TRIP4: variants seen among roughly 807,000 people sequenced by gnomAD.
TRIP4 encodes activating signal cointegrator 1.
In TRIP4, 54 loss-of-function variants were observed where a neutral mutation model predicts 81.8. That is an observed-to-expected ratio of 0.66 (90% CI 0.53 to 0.83). The LOEUF (loss-of-function observed/expected upper bound fraction) is 0.83. Among genes scored for constraint, TRIP4 ranks in the 40% least tolerant of loss-of-function variants. The pLI is 0.00. For missense variants in TRIP4, 662 were observed against 683.6 expected, an observed-to-expected ratio of 0.97 and a Z score of 0.35; for synonymous variants, 270 against 242.8, an observed-to-expected ratio of 1.11 and a Z score of -1.04.
In TRIP4 at chr15:64,396,337, C is replaced by T. The variant is rs150446820; in HGVS notation, c.405+806C>T. On this transcript the variant is annotated intron_variant, in intron 3 of 12. Coordinates refer to ENST00000261884, the MANE Select transcript of TRIP4 (RefSeq NM_016213.5). Reference sequence around the variant, plus strand: ...TGTCACCCAGGCTGGAGTGCAGTGGCGCAATCTTGGCCCACTGCAACCTCT... The same window carrying T: ...TGTCACCCAGGCTGGAGTGCAGTGGTGCAATCTTGGCCCACTGCAACCTCT... Among the ~76,000 whole-genome samples the T allele has an allele frequency of 8.1e-3, 923 of 114,120 alleles. 14 individuals are homozygous for T. The highest frequency in any genetic ancestry group is 0.031 in the African/African-American group (881 of 28,832). 74.9% of individuals were successfully genotyped at this position (114,120 alleles called of 152,430 possible).
intron 5 of TRIP4, among the ~76,000 whole-genome samples, chr15:64,403,508 T>TA (rs1891559679): frequency 6.6e-6 from 1 of 152,200 alleles, no homozygotes; most frequent in Non-Finnish European, 1.5e-5. Flanking sequence ...ACTCACTACT[T>TA]ACGCAAATAT....
intron 12 of TRIP4, among the ~76,000 whole-genome samples, chr15:64,451,786 T>G (rs1892769124): frequency 6.6e-6 from 1 of 151,350 alleles, no homozygotes; most frequent in African/African-American, 2.4e-5. Context: ...CTTGAGTAGC[T>G]GGGATTACAG....
At chr15:64,423,448 C>A (rs536382389) in intron 9 of TRIP4, among the ~76,000 whole-genome samples, 1 of 103,730 alleles carries the variant, frequency 9.6e-6, no homozygotes, top group Non-Finnish European at 1.7e-5. Flanking sequence ...GGCAACAGAG[C>A]GAGACTCCGT....
intron 5 of TRIP4, 136 bp from the exon 6 acceptor site, chr15:64,406,194 T>C: frequency 9.7e-7 from 1 of 1,034,760 alleles, no homozygotes; most frequent in African/African-American, 1.6e-5. Flanking sequence ...ACTGTGTACT[T>C]GTTTTCTGTT....
rs1892594766 is a variant in TRIP4, at chr15:64,445,057, A to C, written c.1627A>C (p.Asn543His). The change falls in exon 12 of 13, where the codon AAT becomes CAT. Residue 543 changes from asparagine (N) to histidine (H), a missense_variant. Physicochemically the swap from Asn to His is moderately conservative, Grantham distance 68. Transcript: ENST00000261884. Reference protein sequence around the residue: ...SDSPFVFICKNPQEMVVKFPI... With the variant: ...SDSPFVFICKHPQEMVVKFPI... ...TTCTCCATTTGTTTTCATCTGCAAA[A>C]ATCCTCAGGAAATGGTTGTGAAGTT... 1 of 1,606,246 alleles carries C rather than the reference A, an allele frequency of 6.2e-7. No individual in the cohort carries two copies. The highest frequency in any genetic ancestry group is 1.3e-5 in the African/African-American group (1 of 74,586).
intron 11 of TRIP4, among the ~76,000 whole-genome samples, chr15:64,427,422 G>A (rs749361442): frequency 1.3e-4 from 19 of 151,584 alleles, no homozygotes; most frequent in Non-Finnish European, 2.2e-4. Context: ...TCACTCTGTC[G>A]TCCAGGCTGG....
intron 11 of TRIP4, 200 bp from the exon 12 acceptor site, chr15:64,444,806 G>A (rs111975080): frequency 4.4e-5 from 12 of 273,544 alleles, no homozygotes; most frequent in African/African-American, 2.8e-4. Context: ...GAGATGGCAG[G>A]CAATAGACTG....
chr15:64,435,213 C>CAAAA (rs35216763), intron 11 of TRIP4, among the ~76,000 whole-genome samples: 25 of 50,308 alleles, frequency 5.0e-4, no homozygotes, highest in South Asian at 1.3e-3. Context: ...GACCCCATCT[C>CAAAA]AAAAAAAAAA....
In TRIP4 at chr15:64,409,968, A is replaced by C; in HGVS notation, c.1043+140A>C. 4.0e-6 allele frequency: 3 copies of C among 744,674 alleles called. No homozygotes were observed. In the South Asian group the frequency reaches 5.9e-5, roughly 15 times the overall value. The allele number at this position is 744,674 out of a possible 1,614,324, so 46.1% of individuals were successfully genotyped here. On this transcript the variant is annotated intron_variant, in intron 7 of 12. Transcript: ENST00000261884. ...ACAGAAAACATGTTAAGAATAGCTA[A>C]GAAAAAATGTTTAAATGAGCACTCC...
chr15:64,437,356 G>T (rs1892424567), intron 11 of TRIP4, among the ~76,000 whole-genome samples: 1 of 151,480 alleles, frequency 6.6e-6, no homozygotes, highest in African/African-American at 2.4e-5. Context: ...AGGCAGAGTT[G>T]CAGTGAGCTG....
At chr15:64,418,839 T>C in intron 9 of TRIP4, 111 bp downstream of exon 9, 1 of 991,900 alleles carries the variant, frequency 1.0e-6, no homozygotes, top group Non-Finnish European at 1.4e-6. Flanking sequence ...TTTATAATAC[T>C]CTTCAATAAA....
intron 11 of TRIP4, among the ~76,000 whole-genome samples, chr15:64,442,129 A>C (rs1413332964): frequency 6.6e-6 from 1 of 152,014 alleles, no homozygotes; most frequent in African/African-American, 2.4e-5. Flanking sequence ...GCAAGGACTT[A>C]GACTTTTATT....
At chr15:64,415,447 C>T (rs1020054057) in intron 8 of TRIP4, among the ~76,000 whole-genome samples, 1 of 152,068 alleles carries the variant, frequency 6.6e-6, no homozygotes, top group Non-Finnish European at 1.5e-5. Context: ...GCTAAAAGCC[C>T]GAAATCAAGG....
At chr15:64,401,596 A>G (rs1034586319) in intron 5 of TRIP4, among the ~76,000 whole-genome samples, 3 of 152,160 alleles carry the variant, frequency 2.0e-5, no homozygotes, top group African/African-American at 7.2e-5. Flanking sequence ...ATAAGCATCT[A>G]TTTTTTAGAA....
intron 12 of TRIP4, among the ~76,000 whole-genome samples, chr15:64,449,899 C>T (rs1892715756): frequency 6.6e-6 from 1 of 152,052 alleles, no homozygotes; most frequent in African/African-American, 2.4e-5. Context: ...ATATTTTTTC[C>T]CCTTTTAACT....
intron 4 of TRIP4, among the ~76,000 whole-genome samples, chr15:64,398,994 G>A (rs1033794513): frequency 4.3e-5 from 6 of 140,934 alleles, no homozygotes; most frequent in Non-Finnish European, 9.0e-5. Flanking sequence ...CTGTCGCCCA[G>A]GCTGGAGAGC....
At chr15:64,425,282 C>G (rs923103414) in intron 10 of TRIP4, among the ~76,000 whole-genome samples, 8 of 151,896 alleles carry the variant, frequency 5.3e-5, no homozygotes, top group Admixed American at 4.6e-4. Flanking sequence ...TTTGTGGGGT[C>G]CTTGAACTTT....
At chr15:64,436,322 A>G (rs192127869) in intron 11 of TRIP4, among the ~76,000 whole-genome samples, 44 of 150,672 alleles carry the variant, frequency 2.9e-4, no homozygotes, top group Non-Finnish European at 4.7e-4. Flanking sequence ...AGCCAGGCAC[A>G]TTGGCTTACG....
At position 64,393,797 on chromosome 15, in the gene TRIP4, G is replaced by C; in HGVS notation, c.102-149G>C. On this transcript the variant is annotated intron_variant, in intron 1 of 12. Transcript: ENST00000261884. ...CATTCATACCAGTTAGGATCGTATC[G>C]TATTTCTAGCACCTAGCATAGTACT... is the stretch of plus-strand genomic sequence containing the variant. The C allele has an allele frequency of 4.8e-6, 3 of 619,064 alleles. No individual in the cohort carries two copies. The Admixed American group carries it at 1.2e-4, about 25-fold the overall frequency. The allele number at this position is 619,064 out of a possible 1,614,324, so 38.3% of individuals were successfully genotyped here. A position where few individuals can be genotyped will look rare whatever the true frequency, so the allele number is the denominator to read the frequency against.
Sources: allele counts gnomAD v4.1 joint callset (sites outside exome capture counted in the v4.1 genomes callset), GRCh38; gene constraint gnomAD v4.1.1; transcripts MANE v1.5; gene names NCBI Gene and HGNC (gene_info 2026-07-23, HGNC 2026-07-21).